The following MPV17L variants were observed in gnomAD, a reference collection of about 807,000 sequenced individuals.
MPV17L encodes mpv17-like protein.
MPV17L carries 24 observed loss-of-function variants against 25.8 expected under a neutral mutation model. The ratio of observed to expected loss-of-function variants is 0.93; its 90% CI spans 0.67 to 1.31. The LOEUF is 1.31. Among genes scored for constraint, MPV17L ranks in the 50% most tolerant of loss-of-function variants. The pLI, the probability that MPV17L is intolerant of heterozygous loss-of-function variation, is 0.00. For missense variants in MPV17L, 250 were observed against 265.6 expected, an observed-to-expected ratio of 0.94 and a Z score of 0.41; for synonymous variants, 102 against 115.3, an observed-to-expected ratio of 0.88 and a Z score of 0.74.
chr16:15,399,671 G>A lies in MPV17L; in HGVS notation c.311-1116G>A, dbSNP rs184325265. 14 of 224,770 alleles carry A rather than the reference G, an allele frequency of 6.2e-5. No homozygotes were observed. The East Asian group carries it at 2.2e-3, about 35-fold the overall frequency. The allele number at this position is 224,770 out of a possible 1,614,324, so 13.9% of individuals were successfully genotyped here. On this transcript the variant is annotated intron_variant, in intron 1 of 3. Transcript: ENST00000396385. ...AGATCAAAGTGTTTTTAGGAAGGGTGAATTGGTGTTCCACTTTCAAATTTT... is the reference window on the plus strand; with the variant it reads ...AGATCAAAGTGTTTTTAGGAAGGGTAAATTGGTGTTCCACTTTCAAATTTT...
chr16:15,398,105 C>T lies in MPV17L; in HGVS notation c.310+1898C>T, dbSNP rs528091949. ...TTGCCCAGCCTGGAGTGTGCAGTGG[C>T]CCAGTCTCAGCTCACTGAAACCTGC... On this transcript the variant is annotated intron_variant, in intron 1 of 3. Coordinates refer to ENST00000396385, the MANE Select transcript of MPV17L (RefSeq NM_001128423.2). Among the ~76,000 whole-genome samples, 136 of 151,962 alleles carry T rather than the reference C, an allele frequency of 8.9e-4. 2 individuals carry two copies. Among genetic ancestry groups the T allele is most frequent in the South Asian group, 1.7e-3 (8 of 4,798 alleles).
chr16:15,396,235 G>A (rs751570532), intron 1 of MPV17L, 28 bp downstream of exon 1: 4 of 1,543,782 alleles, frequency 2.6e-6, no homozygotes, highest in Non-Finnish European at 3.5e-6. Flanking sequence ...GACCTGGGGG[G>A]TGGGACCCAG....
intron 2 of MPV17L, among the ~76,000 whole-genome samples, chr16:15,405,813 G>A (rs764673731): frequency 6.6e-6 from 1 of 151,972 alleles, no homozygotes; most frequent in African/African-American, 2.4e-5. Flanking sequence ...GGGAGGCTGA[G>A]GTGGGCAGAT....
At chr16:15,404,882 C>G (rs1350490541) in intron 2 of MPV17L, among the ~76,000 whole-genome samples, 1 of 152,086 alleles carries the variant, frequency 6.6e-6, no homozygotes, top group African/African-American at 2.4e-5. Flanking sequence ...TGTTGAATGT[C>G]AGATGCCTTT....
rs1449024241 is a variant in MPV17L, at chr16:15,409,300, T to A, written c.*1188T>A. The A allele has an allele frequency of 1.3e-5, 2 of 152,534 alleles. No homozygotes were observed. Among genetic ancestry groups the A allele is most frequent in the Non-Finnish European group, 2.9e-5 (2 of 68,120 alleles). The allele number at this position is 152,534 out of a possible 1,614,324, so 9.4% of individuals were successfully genotyped here. A position where few individuals can be genotyped will look rare whatever the true frequency, so the allele number is the denominator to read the frequency against. ...TTTTGCCATGTTGGCTAGGCTGGTC[T>A]CTGTCCGTCCTCTGAGCTCAAGCTA... On this transcript the variant is annotated 3_prime_UTR_variant, in exon 4 of 4. Transcript: ENST00000396385.
intron 1 of MPV17L, among the ~76,000 whole-genome samples, chr16:15,400,168 ATGTT>A (rs2050620515): frequency 6.6e-6 from 1 of 152,138 alleles, no homozygotes; most frequent in Admixed American, 6.6e-5. Context: ...ATTTCACAAA[ATGTT>A]TGGAAGGTAG....
chr16:15,405,552 G>A (rs1211378480), intron 2 of MPV17L, among the ~76,000 whole-genome samples: 9 of 150,630 alleles, frequency 6.0e-5, no homozygotes, highest in Non-Finnish European at 1.0e-4. Flanking sequence ...GAATTCAAGC[G>A]ACTCTCCTGC....
chr16:15,402,484 A>G (rs1180631170), intron 2 of MPV17L, among the ~76,000 whole-genome samples: 1 of 152,180 alleles, frequency 6.6e-6, no homozygotes. Flanking sequence ...AGCCAGCATT[A>G]CTTGATGGCT....
intron 1 of MPV17L, among the ~76,000 whole-genome samples, chr16:15,398,210 AT>A (rs1452701766): frequency 6.6e-6 from 1 of 151,704 alleles, no homozygotes; most frequent in Admixed American, 6.6e-5. Context: ...TGCCCACCTA[AT>A]TTTTGCATTT....
chr16:15,398,631 C>G (rs1222982116), intron 1 of MPV17L, among the ~76,000 whole-genome samples: 2 of 150,490 alleles, frequency 1.3e-5, no homozygotes, highest in African/African-American at 4.9e-5. Context: ...TCTTGTTGCC[C>G]AGGCTGGAGT....
At position 15,396,121 on chromosome 16, in the gene MPV17L, C is replaced by G. The variant is rs1390336759; in HGVS notation, c.224C>G (p.Pro75Arg). Residue 75 changes from proline to arginine, a missense_variant, in exon 1 of 4, where the codon CCG (proline) becomes CGG (arginine). By Grantham distance (103) the Pro-to-Arg change is moderately radical (BLOSUM62 -2). Transcript: ENST00000396385. ...VWLRLLERALPGRAPHALLAK... is the reference protein window; with the variant it reads ...VWLRLLERALRGRAPHALLAK... ...CTGCGCCTGCTGGAGCGCGCGCTCC[C>G]GGGCCGAGCGCCGCACGCCCTGCTG... 4 of 1,546,110 alleles carry G rather than the reference C, an allele frequency of 2.6e-6. No homozygotes were observed. Among genetic ancestry groups the G allele is most frequent in the East Asian group, 2.4e-5 (1 of 40,980 alleles).
rs746870236 is a variant in MPV17L, at chr16:15,395,978, C to G, written c.81C>G (p.Leu27=). The G allele has an allele frequency of 2.0e-6, 3 of 1,513,352 alleles. No homozygotes were observed. The East Asian group carries it at 7.8e-5, about 39-fold the overall frequency. The allele number at this position is 1,513,352 out of a possible 1,614,324, so 93.7% of individuals were successfully genotyped here. ...WPTNVLLYGS[L]VSAGDALQQR... is the part of the protein sequence containing the mutation. ...CCAACGTGCTGCTTTACGGCTCGCT[C>G]GTCTCGGCCGGGGACGCGCTGCAAC... Residue 27 remains leucine (L), a synonymous_variant, in exon 1 of 4, where the codon CTC becomes CTG. Transcript: ENST00000396385.
At position 15,395,923 on chromosome 16, in the gene MPV17L, C is replaced by T; in HGVS notation, c.26C>T (p.Ser9Leu). The T allele has an allele frequency of 7.0e-7, 1 of 1,431,900 alleles. No individual in the cohort carries two copies. The highest frequency in any genetic ancestry group is 1.5e-5 in the South Asian group (1 of 68,390). 88.7% of individuals were successfully genotyped at this position (1,431,900 alleles called of 1,614,324 possible). Reference sequence around the variant, plus strand: ...ATGGCGGGCTGGTGGCCGGCGTTGTCGCGCGCGGCCCGGCGCCACCCGTGG... The same window carrying T: ...ATGGCGGGCTGGTGGCCGGCGTTGTTGCGCGCGGCCCGGCGCCACCCGTGG... MAGWWPAL[S>L]RAARRHPWPT... is the part of the protein sequence containing the mutation. Residue 9 changes from serine (S) to leucine (L), a missense_variant, in exon 1 of 4, where the codon TCG becomes TTG. Ser to Leu is a moderately radical substitution (Grantham distance 145, BLOSUM62 -2). Transcript: ENST00000396385.
chr16:15,397,924 T>G (rs2150904058), intron 1 of MPV17L, among the ~76,000 whole-genome samples: 1 of 152,238 alleles, frequency 6.6e-6, no homozygotes, highest in African/African-American at 2.4e-5. Flanking sequence ...GGTGTGTGAT[T>G]TGCAGACTAG....
intron 2 of MPV17L, among the ~76,000 whole-genome samples, chr16:15,405,763 G>T (rs529097047): frequency 6.6e-6 from 1 of 151,744 alleles, no homozygotes; most frequent in South Asian, 2.1e-4. Flanking sequence ...AACAATTAAG[G>T]GCCAGGCTCG....
chr16:15,396,161 C>A lies in MPV17L; in HGVS notation c.264C>A (p.Cys88Ter). The A allele has an allele frequency of 1.3e-6, 2 of 1,550,202 alleles. No homozygotes were observed. The highest frequency in any genetic ancestry group is 1.7e-6 in the Non-Finnish European group (2 of 1,147,816). Reference protein sequence around the residue: ...APHALLAKLLCDQVVGAPIAV... With the variant: ...APHALLAKLL ...ACGCCCTGCTGGCCAAGTTGCTGTG[C>A]GACCAGGTGGTCGGTGCGCCCATCG... The change falls in exon 1 of 4, where the codon TGC (cysteine) becomes TGA (stop). Residue 88 changes from cysteine (C) to a stop codon, truncating the protein, a stop_gained. Coordinates refer to ENST00000396385, the MANE Select transcript of MPV17L (RefSeq NM_001128423.2). LOFTEE classifies it high-confidence loss of function.
rs1175775604 is a variant in MPV17L, at chr16:15,408,690, T to C, written c.*578T>C. ...CGATCGCGGCTCACTGCAGCCTCCATCCTCTGGGTTCAAGCAATTCTCCTG... is the reference window on the plus strand; with the variant it reads ...CGATCGCGGCTCACTGCAGCCTCCACCCTCTGGGTTCAAGCAATTCTCCTG... On this transcript the variant is annotated 3_prime_UTR_variant, in exon 4 of 4. Transcript: ENST00000396385. 1.4e-5 allele frequency: 2 copies of C among 140,380 alleles called. No individual in the cohort carries two copies. The highest frequency in any genetic ancestry group is 2.6e-5 in the African/African-American group (1 of 38,358). 8.7% of individuals were successfully genotyped at this position (140,380 alleles called of 1,614,324 possible).
intron 2 of MPV17L, among the ~76,000 whole-genome samples, chr16:15,406,968 C>T (rs1323058959): frequency 1.3e-5 from 2 of 151,868 alleles, no homozygotes; most frequent in Non-Finnish European, 2.9e-5. Context: ...GATGAGGTGG[C>T]TCATGCCTAT....
At chr16:15,403,836 A>G (rs1436287043) in intron 2 of MPV17L, among the ~76,000 whole-genome samples, 4 of 152,164 alleles carry the variant, frequency 2.6e-5, no homozygotes, top group African/African-American at 4.8e-5. Flanking sequence ...AGGGCAAACC[A>G]GTAGTCTGAA....
Sources: allele counts gnomAD v4.1 joint callset (sites outside exome capture counted in the v4.1 genomes callset), GRCh38; gene constraint gnomAD v4.1.1; transcripts MANE v1.5; gene names NCBI Gene and HGNC (gene_info 2026-07-23, HGNC 2026-07-21).